The following TMCC1 variants were observed in gnomAD, a reference collection of about 807,000 sequenced individuals.
The protein encoded by TMCC1 is transmembrane and coiled-coil domain family 1.
Under a neutral mutation model 52.4 loss-of-function variants are expected in TMCC1, and 15 were observed. The ratio of observed to expected loss-of-function variants is 0.29; its 90% CI spans 0.19 to 0.44. TMCC1 has a LOEUF of 0.44. Among genes scored for constraint, TMCC1 ranks in the 20% least tolerant of loss-of-function variants. The pLI, the probability that TMCC1 is intolerant of heterozygous loss-of-function variation, is 1.00. For synonymous variants in TMCC1, 279 were observed against 301.9 expected (o/e 0.92, Z 0.79); for missense variants, 503 against 806.0 (o/e 0.62, Z 4.55).
At chr3:129,703,124 ACCCAC>A (rs927347889) in intron 4 of TMCC1, among the ~76,000 whole-genome samples, 4 of 152,196 alleles carry the variant, frequency 2.6e-5, no homozygotes, top group African/African-American at 9.7e-5. Context: ...ACATACAAAA[ACCCAC>A]ATACAAAGGC....
At chr3:129,779,555 T>C (rs1268902182) in intron 4 of TMCC1, among the ~76,000 whole-genome samples, 1 of 152,196 alleles carries the variant, frequency 6.6e-6, no homozygotes, top group African/African-American at 2.4e-5. Context: ...AAGCAGTAGT[T>C]ATATAATTAA....
intron 2 of TMCC1, among the ~76,000 whole-genome samples, chr3:129,848,686 C>T (rs527506427): frequency 9.9e-4 from 151 of 152,276 alleles, no homozygotes; most frequent in African/African-American, 3.4e-3. Flanking sequence ...CCGTGCCAAC[C>T]AATGAAACTT....
intron 4 of TMCC1, among the ~76,000 whole-genome samples, chr3:129,797,986 C>CTTTTTTTTTTTTTTTCT (rs11417298): frequency 7.3e-6 from 1 of 136,662 alleles, no homozygotes; most frequent in African/African-American, 2.7e-5. Flanking sequence ...AGTTGTGTGC[C>CTTTTTTTTTTTTTTTCT]TTTTTTTTTT....
intron 4 of TMCC1, among the ~76,000 whole-genome samples, chr3:129,812,720 CT>C (rs1328167174): frequency 6.6e-6 from 1 of 151,908 alleles, no homozygotes; most frequent in Non-Finnish European, 1.5e-5. Flanking sequence ...CTATAAAAAC[CT>C]TTGAAGATAA....
At chr3:129,752,814 GAAGAA>G (rs969408371) in intron 4 of TMCC1, among the ~76,000 whole-genome samples, 21 of 152,148 alleles carry the variant, frequency 1.4e-4, no homozygotes, top group Admixed American at 1.3e-4. Flanking sequence ...AGTAATTTAC[GAAGAA>G]AAGAGGTTTA....
intron 4 of TMCC1, among the ~76,000 whole-genome samples, chr3:129,681,767 G>T (rs2089004387): frequency 6.6e-6 from 1 of 151,974 alleles, no homozygotes; most frequent in African/African-American, 2.4e-5. Context: ...AATTAGCCAG[G>T]CATGGTGGTG....
chr3:129,812,843 A>G lies in TMCC1; in HGVS notation c.576+14960T>C, dbSNP rs549703448. On this transcript the variant is annotated intron_variant, in intron 4 of 6. Transcript: ENST00000393238. ...CAAATGGGACCCAATGAAACTAAAG[A>G]GCTTCTGCACAACAGAAGAAACTAT... Among the ~76,000 whole-genome samples the G allele has an allele frequency of 2.0e-5, 3 of 152,308 alleles. No individual in the cohort carries two copies. The South Asian group carries it at 6.2e-4, about 32-fold the overall frequency.
At chr3:129,737,013 T>C (rs537680175) in intron 4 of TMCC1, among the ~76,000 whole-genome samples, 11 of 152,276 alleles carry the variant, frequency 7.2e-5, no homozygotes, top group African/African-American at 2.6e-4. Context: ...TAAAGTAAAT[T>C]ACATATGATC....
intron 2 of TMCC1, chr3:129,860,946 A>C (rs2060362999): frequency 6.6e-6 from 1 of 152,172 alleles, no homozygotes. Context: ...TAACCTAGGA[A>C]TGTGTGGACT....
At chr3:129,795,617 A>C (rs950926199) in intron 4 of TMCC1, among the ~76,000 whole-genome samples, 1 of 152,222 alleles carries the variant, frequency 6.6e-6, no homozygotes, top group Non-Finnish European at 1.5e-5. Flanking sequence ...CAACCTTATA[A>C]AATTTGTATT....
chr3:129,771,488 A>T (rs2054568851), intron 4 of TMCC1, among the ~76,000 whole-genome samples: 2 of 152,082 alleles, frequency 1.3e-5, no homozygotes, highest in African/African-American at 4.8e-5. Flanking sequence ...AGAAAGATTT[A>T]TGTGGGCTGG....
intron 4 of TMCC1, among the ~76,000 whole-genome samples, chr3:129,818,214 A>T (rs1425529450): frequency 1.3e-5 from 2 of 152,124 alleles, no homozygotes; most frequent in African/African-American, 2.4e-5. Context: ...AAGTGCTGGG[A>T]TCACAGGTAT....
chr3:129,698,119 T>C (rs959198591), intron 4 of TMCC1, among the ~76,000 whole-genome samples: 1 of 152,182 alleles, frequency 6.6e-6, no homozygotes, highest in African/African-American at 2.4e-5. Context: ...TATTAGTCAA[T>C]TTTCATACTG....
At chr3:129,700,625 C>T (rs747736496) in intron 4 of TMCC1, among the ~76,000 whole-genome samples, 28 of 151,968 alleles carry the variant, frequency 1.8e-4, no homozygotes, top group African/African-American at 4.6e-4. Flanking sequence ...TGCAGGTGCA[C>T]GCCACCATGC....
chr3:129,724,804 T>C (rs1348240417), intron 4 of TMCC1, among the ~76,000 whole-genome samples: 2 of 152,182 alleles, frequency 1.3e-5, no homozygotes, highest in African/African-American at 4.8e-5. Flanking sequence ...AGTGACCCAA[T>C]AGTTTTATAA....
At chr3:129,738,607 T>C (rs1443214318) in intron 4 of TMCC1, among the ~76,000 whole-genome samples, 1 of 152,182 alleles carries the variant, frequency 6.6e-6, no homozygotes, top group East Asian at 1.9e-4. Context: ...AAGCAGACAA[T>C]TGAACTAGAA....
At chr3:129,717,014 A>G (rs1037165101) in intron 4 of TMCC1, among the ~76,000 whole-genome samples, 2 of 152,222 alleles carry the variant, frequency 1.3e-5, no homozygotes, top group African/African-American at 2.4e-5. Flanking sequence ...ATTTTTTCTA[A>G]TGAATTTTCC....
intron 3 of TMCC1, among the ~76,000 whole-genome samples, chr3:129,830,098 G>A (rs1414998664): frequency 1.3e-5 from 2 of 152,212 alleles, no homozygotes; most frequent in East Asian, 3.8e-4. Context: ...CATGAGAATG[G>A]AAGTTTCATT....
intron 4 of TMCC1, among the ~76,000 whole-genome samples, chr3:129,763,197 C>CAAAAAAA (rs1553860522): frequency 4.1e-5 from 5 of 122,668 alleles, no homozygotes; most frequent in African/African-American, 1.7e-4. Context: ...GACTCTGTCT[C>CAAAAAAA]AAAAAATAAA....
Sources: gnomAD v4.1 joint callset for allele counts (sites outside exome capture counted in the v4.1 genomes callset) on GRCh38, gnomAD v4.1.1 for gene constraint, MANE v1.5 for transcripts, NCBI Gene and HGNC (gene_info 2026-07-23, HGNC 2026-07-21) for gene names.